Variants in TTN observed in about 807,000 individuals in gnomAD.
The protein encoded by TTN is titin.
A neutral mutation model predicts 3,223.0 loss-of-function variants in TTN; 1,525 were observed. That is an observed-to-expected ratio of 0.47 (90% confidence interval 0.45 to 0.49). TTN has a LOEUF of 0.49. Ranked by LOEUF, TTN falls within the 20% of genes least tolerant of loss-of-function variation. The probability of loss-of-function intolerance (pLI) is 0.00; values close to 1 mark genes in which losing one functional copy is unlikely to be tolerated. For missense variants in TTN, 40,786 were observed against 43,424.0 expected (o/e 0.94, Z 5.40); for synonymous variants, 14,094 against 15,161.0 (o/e 0.93, Z 5.17).
Position 178,732,890 on chromosome 2 carries a change from C to A in TTN, c.16286G>T (p.Cys5429Phe). Residue 5429 changes from cysteine (C) to phenylalanine (F), a missense_variant, in exon 55 of 363, where the codon TGT becomes TTT. Physicochemically the swap from Cys to Phe is radical, Grantham distance 205. Coordinates refer to ENST00000589042, the MANE Select transcript of TTN (RefSeq NM_001267550.2). ...GCTTCCCACGGAATTTGTGGCTCGA[C>A]AAGTGAAATTCCCTGCATCATTCAT... ...VDMNDAGNFTCRATNSVGSKD... is the reference protein window; with the variant it reads ...VDMNDAGNFTFRATNSVGSKD... The A allele has an allele frequency of 6.2e-7, 1 of 1,613,298 alleles. No homozygotes were observed.
At position 178,588,092 on chromosome 2, in the gene TTN, T is replaced by G; in HGVS notation, c.63315A>C (p.Pro21105=). 1 of 1,612,964 alleles carries G rather than the reference T, an allele frequency of 6.2e-7. No individual in the cohort carries two copies. Among genetic ancestry groups the G allele is most frequent in the Non-Finnish European group, 8.5e-7 (1 of 1,179,302 alleles). Residue 21105 remains proline (P), a synonymous_variant, in exon 305 of 363, where the codon CCA becomes CCC. Transcript: ENST00000589042. ...PIIGYVVEMR[P]KIADASPDEG... ...CATCAGGAGACGCATCTGCTATTTT[T>G]GGTCTCATTTCCACAACATATCCAA...
In TTN at chr2:178,642,539, G is replaced by A. The variant is rs182738754; in HGVS notation, c.40478-222C>T. Reference sequence around the variant, plus strand: ...ATGAAATTCAACTCCATTAACTGCAGGCAAATGTATTCATTTTAAATGCAT... The same window carrying A: ...ATGAAATTCAACTCCATTAACTGCAAGCAAATGTATTCATTTTAAATGCAT... On this transcript the variant is annotated intron_variant, in intron 218 of 362. Transcript: ENST00000589042. Among the ~76,000 whole-genome samples the A allele has an allele frequency of 2.6e-5, 4 of 152,004 alleles. No homozygotes were observed. The East Asian group carries it at 7.8e-4, about 29-fold the overall frequency.
chr2:178,704,091 A>G, intron 106 of TTN, 56 bp downstream of exon 106: 1 of 1,580,468 alleles, frequency 6.3e-7, no homozygotes, highest in African/African-American at 1.3e-5. Flanking sequence ...GGTCCTGCAC[A>G]ACATTTGCCA....
chr2:178,776,266 G>A lies in TTN; in HGVS notation c.5598C>T (p.Gly1866=). 1 of 1,614,118 alleles carries A rather than the reference G, an allele frequency of 6.2e-7. No homozygotes were observed. Among genetic ancestry groups the A allele is most frequent in the Non-Finnish European group, 8.5e-7 (1 of 1,179,990 alleles). ...ETARFRCRVT[G]YPQPKVNWYL... The stretch of plus-strand genomic sequence containing the variant: ...ACCAGTTGACTTTGGGCTGAGGGTA[G>A]CCTGTTACCCTGCAGCGGAACCTTG... The change falls in exon 28 of 363, where the codon GGC becomes GGT. Residue 1866 remains glycine, a synonymous_variant. Coordinates refer to ENST00000589042, the MANE Select transcript of TTN (RefSeq NM_001267550.2).
rs1480392932 is a variant in TTN, at chr2:178,793,420, T to A, written c.1520A>T (p.His507Leu). 1 of 1,614,196 alleles carries A rather than the reference T, an allele frequency of 6.2e-7. No individual in the cohort carries two copies. The highest frequency in any genetic ancestry group is 1.7e-5 in the Admixed American group (1 of 60,026). ...CATTTTCACCTGCTCATGAGTTACG[T>A]GCATCTGCTCTTGCTTTGTGGTAAT... ...EVITTKQEQM[H>L]VTHEQIRKET... The change falls in exon 9 of 363, where the codon CAC becomes CTC. Residue 507 changes from histidine (H) to leucine (L), a missense_variant. Physicochemically the swap from His to Leu is moderately conservative, Grantham distance 99. Transcript: ENST00000589042.
chr2:178,576,456 T>G lies in TTN; in HGVS notation c.69716-40A>C. ...AAGACACAAAAGTATATATTCAGAG[T>G]TTGGCTTTTGGGTAATTTAGATAAA... On this transcript the variant is annotated intron_variant, in intron 325 of 362. Transcript: ENST00000589042. The surrounding 1 kb of genome is among the most constrained non-coding windows in gnomAD (Gnocchi z 4.3). 47 of 1,588,814 alleles carry G rather than the reference T, an allele frequency of 3.0e-5. No individual in the cohort carries two copies. The highest frequency in any genetic ancestry group is 4.0e-5 in the Non-Finnish European group (47 of 1,173,494).
In TTN at chr2:178,566,995, T is replaced by G. The variant is rs1248313967; in HGVS notation, c.79137A>C (p.Leu26379=). Reference sequence around the variant, plus strand: ...CAGGAAGCACAAATGGATTTTTCATTAGTACTGGTGCAGATTCCAAAGGCT... The same window carrying G: ...CAGGAAGCACAAATGGATTTTTCATGAGTACTGGTGCAGATTCCAAAGGCT... The part of the protein sequence containing the change: ...VGEPLESAPV[L]MKNPFVLPGP... The change falls in exon 326 of 363, where the codon CTA becomes CTC. Residue 26379 remains leucine, a synonymous_variant. Coordinates refer to ENST00000589042, the MANE Select transcript of TTN (RefSeq NM_001267550.2). 2 of 1,613,614 alleles carry G rather than the reference T, an allele frequency of 1.2e-6. No homozygotes were observed. The highest frequency in any genetic ancestry group is 2.2e-5 in the South Asian group (2 of 91,078).
In TTN at chr2:178,620,733, C is replaced by A; in HGVS notation, c.45877G>T (p.Ala15293Ser). Residue 15293 changes from alanine to serine, a missense_variant, in exon 247 of 363, where the codon GCC becomes TCC. By Grantham distance (99) the Ala-to-Ser change is moderately conservative. Coordinates refer to ENST00000589042, the MANE Select transcript of TTN (RefSeq NM_001267550.2). ...NHRGENVKSA[A>S]NLIVEEEDLR... ...TACTTACCTTCTACTATTAGATTGGCTGCACTTTTAACATTTTCACCTCTG... is the reference window on the plus strand; with the variant it reads ...TACTTACCTTCTACTATTAGATTGGATGCACTTTTAACATTTTCACCTCTG... The A allele has an allele frequency of 6.2e-7, 1 of 1,612,662 alleles. No homozygotes were observed. Among genetic ancestry groups the A allele is most frequent in the Non-Finnish European group, 8.5e-7 (1 of 1,179,074 alleles).
chr2:178,633,194 G>A lies in TTN; in HGVS notation c.43079C>T (p.Ala14360Val), dbSNP rs928035274. The A allele has an allele frequency of 3.1e-6, 5 of 1,611,086 alleles. No individual in the cohort carries two copies. The highest frequency in any genetic ancestry group is 2.2e-5 in the East Asian group (1 of 44,614). The change falls in exon 233 of 363, where the codon GCT becomes GTT. Residue 14360 changes from alanine to valine, a missense_variant. Coordinates refer to ENST00000589042, the MANE Select transcript of TTN (RefSeq NM_001267550.2). Reference sequence around the variant, plus strand: ...TAGCTAATCTTGACTTACAGGGGAAGCTGTCAAAGGCTGTCCTTTCAGCTT... The same window carrying A: ...TAGCTAATCTTGACTTACAGGGGAAACTGTCAAAGGCTGTCCTTTCAGCTT... ...QWKLKGQPLT[A>V]SPDCEIIEDG...
chr2:178,712,705 T>C lies in TTN; in HGVS notation c.27320A>G (p.Tyr9107Cys). 1 of 1,612,886 alleles carries C rather than the reference T, an allele frequency of 6.2e-7. No individual in the cohort carries two copies. Among genetic ancestry groups the C allele is most frequent in the Non-Finnish European group, 8.5e-7 (1 of 1,179,012 alleles). The change falls in exon 94 of 363, where the codon TAC becomes TGC. Residue 9107 changes from tyrosine to cysteine, a missense_variant. Physicochemically the swap from Tyr to Cys is radical, Grantham distance 194 (BLOSUM62 -2). Coordinates refer to ENST00000589042, the MANE Select transcript of TTN (RefSeq NM_001267550.2). ...AGKASCTTHL[Y>C]IKAPAKFVKR... is the part of the protein sequence containing the mutation. ...AGAGCAGTCTGACAAACCTTTTATGTAGAGATGTGTTGTACAAGAAGCCTT... is the reference window on the plus strand; with the variant it reads ...AGAGCAGTCTGACAAACCTTTTATGCAGAGATGTGTTGTACAAGAAGCCTT...
Position 178,589,044 on chromosome 2 carries a change from C to A in TTN, c.62681G>T (p.Cys20894Phe), listed in dbSNP as rs370080086. 1.5e-4 allele frequency: 234 copies of A among 1,609,318 alleles called. No individual in the cohort carries two copies. Among genetic ancestry groups the A allele is most frequent in the Middle Eastern group, 3.3e-4 (2 of 6,054 alleles). ...CWDPPEDDGG[C>F]EIQNYILEKC... is the part of the protein sequence containing the mutation. ...TTCTAGAATATAATTTTGGATTTCA[C>A]AGCCACCATCATCTTCTGGTGGATC... Residue 20894 changes from cysteine to phenylalanine, a missense_variant, in exon 304 of 363, where the codon TGT becomes TTT. Physicochemically the swap from Cys to Phe is radical, Grantham distance 205 (BLOSUM62 -2). Transcript: ENST00000589042.
In TTN at chr2:178,539,752, G is replaced by T; in HGVS notation, c.98313C>A (p.Gly32771=). The change falls in exon 352 of 363, where the codon GGC becomes GGA. Residue 32771 remains glycine (G), a synonymous_variant. Coordinates refer to ENST00000589042, the MANE Select transcript of TTN (RefSeq NM_001267550.2). The stretch of plus-strand genomic sequence containing the variant: ...TATTTTCCAGAACCAGGTCATAAGT[G>T]CCAGAATCACCCCTGTCTGCTTCTT... ...VIKEADRGDS[G]TYDLVLENKC... is the part of the protein sequence containing the mutation. 6.2e-7 allele frequency: 1 copy of T among 1,613,796 alleles called. No homozygotes were observed.
At position 178,585,067 on chromosome 2, in the gene TTN, C is replaced by T. The variant is rs867763552; in HGVS notation, c.64672+5G>A. 3.7e-6 allele frequency: 6 copies of T among 1,605,404 alleles called. No individual in the cohort carries two copies. The highest frequency in any genetic ancestry group is 5.1e-6 in the Non-Finnish European group (6 of 1,176,166). On this transcript the variant is annotated splice_donor_5th_base_variant and intron_variant, in intron 309 of 362. Transcript: ENST00000589042. Reference sequence around the variant, plus strand: ...AGATGGCCATTTGTCTAATACTTAACTTACCCATGACTACAACTTTGATTT... The same window carrying T: ...AGATGGCCATTTGTCTAATACTTAATTTACCCATGACTACAACTTTGATTT...
At chr2:178,759,471 C>T (rs1305164097) in intron 43 of TTN, among the ~76,000 whole-genome samples, 1 of 152,120 alleles carries the variant, frequency 6.6e-6, no homozygotes, top group Admixed American at 6.5e-5. Context: ...GCAGTGGAAG[C>T]AGAGACAAGA....
In TTN at chr2:178,591,459, A is replaced by G. The variant is rs886039085; in HGVS notation, c.60266T>C (p.Val20089Ala). The change falls in exon 304 of 363, where the codon GTG becomes GCG. Residue 20089 changes from valine to alanine, a missense_variant. Coordinates refer to ENST00000589042, the MANE Select transcript of TTN (RefSeq NM_001267550.2). ...TCTGACTGTGGTTCCAGCCTTTACC[A>G]CAAGACCTTCAATTAATTTCACATC... Reference protein sequence around the residue: ...ELDVKLIEGLVVKAGTTVRFP... With the variant: ...ELDVKLIEGLAVKAGTTVRFP... 2.3e-5 allele frequency: 37 copies of G among 1,590,480 alleles called. No homozygotes were observed. The highest frequency in any genetic ancestry group is 1.7e-4 in the Middle Eastern group (1 of 5,972).
At position 178,530,047 on chromosome 2, in the gene TTN, T is replaced by A. The variant is rs1423470146; in HGVS notation, c.106444A>T (p.Thr35482Ser). 2 of 1,611,742 alleles carry A rather than the reference T, an allele frequency of 1.2e-6. No homozygotes were observed. The highest frequency in any genetic ancestry group is 1.7e-6 in the Non-Finnish European group (2 of 1,179,256). ...KGGFFLEIHK[T>S]DTSDSGLYTC... ...TAAAGTCCACTGTCAGAAGTATCAG[T>A]CTTATGAATTTCTAAGAAGAACCCT... The change falls in exon 359 of 363, where the codon ACT (threonine) becomes TCT (serine). Residue 35482 changes from threonine (T) to serine (S), a missense_variant. By Grantham distance (58) the Thr-to-Ser change is moderately conservative. Transcript: ENST00000589042.
chr2:178,610,519 C>T (rs1379972745), intron 270 of TTN, 130 bp from the exon 271 acceptor site: 2 of 977,748 alleles, frequency 2.0e-6, no homozygotes, highest in East Asian at 5.2e-5. Context: ...GTCATTCACA[C>T]TGCAGAGCAT....
At chr2:178,639,057 C>T (rs2060885131) in intron 223 of TTN, among the ~76,000 whole-genome samples, 1 of 151,962 alleles carries the variant, frequency 6.6e-6, no homozygotes, top group South Asian at 2.1e-4. Context: ...CTTGAGATAC[C>T]TATATCATTA....
chr2:178,536,642 T>TA, intron 356 of TTN, 67 bp from the exon 357 acceptor site: 2 of 1,341,902 alleles, frequency 1.5e-6, no homozygotes, highest in Non-Finnish European at 2.0e-6. Flanking sequence ...CTTATTTTTT[T>TA]AAAAAAGAAT....
Sources: allele counts gnomAD v4.1 joint callset (sites outside exome capture counted in the v4.1 genomes callset), GRCh38; gene constraint gnomAD v4.1.1; non-coding constraint Gnocchi (gnomAD v3.1); transcripts MANE v1.5; gene names NCBI Gene and HGNC (gene_info 2026-07-23, HGNC 2026-07-21).